Variants in ADAM30 observed in about 807,000 individuals in gnomAD.
ADAM30 encodes the protein ADAM metallopeptidase domain 30, also known as disintegrin and metalloproteinase domain-containing protein 30.
For synonymous variants in ADAM30, 382 were observed against 340.9 expected, an observed-to-expected ratio of 1.12 and a Z score of -1.33; for missense variants, 960 against 959.4, an observed-to-expected ratio of 1.00 and a Z score of -0.01.
In ADAM30 at chr1:119,893,987, T is replaced by A. The variant is rs587620322; in HGVS notation, c.2350A>T (p.Ser784Cys). The A allele has an allele frequency of 3.7e-6, 6 of 1,610,820 alleles. No individual in the cohort carries two copies. The highest frequency in any genetic ancestry group is 2.2e-5 in the East Asian group (1 of 44,868). Residue 784 changes from serine to cysteine, a missense_variant, in exon 1 of 1, where the codon AGT (serine) becomes TGT (cysteine). Physicochemically the swap from Ser to Cys is moderately radical, Grantham distance 112 (BLOSUM62 -1). Transcript: ENST00000369400. ...NIESKRPKAK[S>C]VKKQKK The stretch of plus-strand genomic sequence containing the variant: ...GGTTACTTTTTTTGTTTCTTGACAC[T>A]CTTTGCTTTGGGTCGTTTACTTTCA...
In ADAM30 at chr1:119,895,101, T is replaced by G. The variant is rs770115548; in HGVS notation, c.1236A>C (p.Glu412Asp). Residue 412 changes from glutamate (E) to aspartate (D), a missense_variant, in exon 1 of 1, where the codon GAA (glutamate) becomes GAC (aspartate). Transcript: ENST00000369400. ...CGNKIVEDNE[E>D]CDCGSTEECQ... ...ACTCCTCTGTGGAACCACAGTCACATTCCTCATTGTCCTCCACAATTTTGT... is the reference window on the plus strand; with the variant it reads ...ACTCCTCTGTGGAACCACAGTCACAGTCCTCATTGTCCTCCACAATTTTGT... The G allele has an allele frequency of 1.2e-6, 2 of 1,614,150 alleles. No homozygotes were observed. Among genetic ancestry groups the G allele is most frequent in the South Asian group, 2.2e-5 (2 of 91,082 alleles).
Position 119,896,375 on chromosome 1 carries a change from C to G in ADAM30, c.-39G>C. Reference sequence around the variant, plus strand: ...CTCAGCCTCAGTTTGCTATTCAGTCCCTGCAACTCTGGCCTCGCGAGTCAG... The same window carrying G: ...CTCAGCCTCAGTTTGCTATTCAGTCGCTGCAACTCTGGCCTCGCGAGTCAG... On this transcript the variant is annotated 5_prime_UTR_variant, in exon 1 of 1. Coordinates refer to ENST00000369400, the MANE Select transcript of ADAM30 (RefSeq NM_021794.4). 1 of 1,498,940 alleles carries G rather than the reference C, an allele frequency of 6.7e-7. No homozygotes were observed. 92.9% of individuals were successfully genotyped at this position (1,498,940 alleles called of 1,614,324 possible). A position where few individuals can be genotyped will look rare whatever the true frequency, so the allele number is the denominator to read the frequency against.
rs1648574804 is a variant in ADAM30 at position 119,895,984 on chromosome 1, T to C, written c.353A>G (p.Glu118Gly). ...KDCNYMGSVK[E>G]SLDSKATIST... ...TATAGTAGCTTTAGAGTCCAGAGACTCTTTCACGGAGCCCATGTAGTTGCA... is the reference window on the plus strand; with the variant it reads ...TATAGTAGCTTTAGAGTCCAGAGACCCTTTCACGGAGCCCATGTAGTTGCA... The change falls in exon 1 of 1, where the codon GAG becomes GGG. Residue 118 changes from glutamate (E) to glycine (G), a missense_variant. By Grantham distance (98) the Glu-to-Gly change is moderately conservative. Transcript: ENST00000369400. The C allele has an allele frequency of 6.2e-7, 1 of 1,614,186 alleles. No individual in the cohort carries two copies. Among genetic ancestry groups the C allele is most frequent in the Admixed American group, 1.7e-5 (1 of 60,026 alleles).
chr1:119,893,560 T>G lies in ADAM30; in HGVS notation c.*404A>C. On this transcript the variant is annotated 3_prime_UTR_variant, in exon 1 of 1. Coordinates refer to ENST00000369400, the MANE Select transcript of ADAM30 (RefSeq NM_021794.4). The stretch of plus-strand genomic sequence containing the variant: ...TGTTGTCGGCATTTATTGATCAGCA[T>G]GGGTGCAGGTGCGGATGTTCACATG... 1 of 205,316 alleles carries G rather than the reference T, an allele frequency of 4.9e-6. No individual in the cohort carries two copies. Among genetic ancestry groups the G allele is most frequent in the Non-Finnish European group, 9.8e-6 (1 of 101,872 alleles). 12.7% of individuals were successfully genotyped at this position (205,316 alleles called of 1,614,324 possible). A position where few individuals can be genotyped will look rare whatever the true frequency, so the allele number is the denominator to read the frequency against.
In ADAM30 at chr1:119,896,391, C is replaced by A; in HGVS notation, c.-55G>T. On this transcript the variant is annotated 5_prime_UTR_variant, in exon 1 of 1. Coordinates refer to ENST00000369400, the MANE Select transcript of ADAM30 (RefSeq NM_021794.4). ...TATTCAGTCCCTGCAACTCTGGCCT[C>A]GCGAGTCAGATTTCTGGGGGCCGCC... 1 of 1,469,588 alleles carries A rather than the reference C, an allele frequency of 6.8e-7. No individual in the cohort carries two copies. The allele number at this position is 1,469,588 out of a possible 1,614,324, so 91.0% of individuals were successfully genotyped here.
rs1246578346 is a variant in ADAM30 at position 119,894,162 on chromosome 1, T to A, written c.2175A>T (p.Leu725=). 1.2e-6 allele frequency: 2 copies of A among 1,613,452 alleles called. No homozygotes were observed. Among genetic ancestry groups the A allele is most frequent in the African/African-American group, 2.7e-5 (2 of 74,816 alleles). The part of the protein sequence containing the change: ...HLKPKQEKMP[L]SKAKTEQEES... ...CTTCCTGTTCAGTTTTTGCTTTGGA[T>A]AGTGGCATTTTTTCCTGTTTGGGTT... Residue 725 remains leucine, a synonymous_variant, in exon 1 of 1, where the codon CTA becomes CTT. Transcript: ENST00000369400.
chr1:119,895,676 T>C lies in ADAM30; in HGVS notation c.661A>G (p.Asn221Asp). 1 of 1,614,172 alleles carries C rather than the reference T, an allele frequency of 6.2e-7. No homozygotes were observed. The highest frequency in any genetic ancestry group is 8.5e-7 in the Non-Finnish European group (1 of 1,180,036). The change falls in exon 1 of 1, where the codon AAC (asparagine) becomes GAC (aspartate). Residue 221 changes from asparagine (N) to aspartate (D), a missense_variant. Physicochemically the swap from Asn to Asp is conservative, Grantham distance 23. Coordinates refer to ENST00000369400, the MANE Select transcript of ADAM30 (RefSeq NM_021794.4). ...FDQSRYRFVN[N>D]NLSQVIHDAI... is the part of the protein sequence containing the mutation. ...TCATGTATGACTTGAGAAAGATTGT[T>C]GTTCACAAACCTATACCTACTTTGA...
In ADAM30 at chr1:119,894,485, A is replaced by G. The variant is rs1422696007; in HGVS notation, c.1852T>C (p.Cys618Arg). The G allele has an allele frequency of 2.5e-6, 4 of 1,614,002 alleles. No individual in the cohort carries two copies. Among genetic ancestry groups the G allele is most frequent in the Non-Finnish European group, 3.4e-6 (4 of 1,180,034 alleles). ...CTATTGACGCAATTTTTTTTAAAACATACCCGGCCTTCTCCACAGGAGGTG... is the reference window on the plus strand; with the variant it reads ...CTATTGACGCAATTTTTTTTAAAACGTACCCGGCCTTCTCCACAGGAGGTG... ...DGTSCGEGRVCFKKNCVNSSV... is the reference protein window; with the variant it reads ...DGTSCGEGRVRFKKNCVNSSV... Residue 618 changes from cysteine to arginine, a missense_variant, in exon 1 of 1, where the codon TGT becomes CGT. Coordinates refer to ENST00000369400, the MANE Select transcript of ADAM30 (RefSeq NM_021794.4).
Position 119,896,238 on chromosome 1 carries a change from G to A in ADAM30, c.99C>T (p.His33=). 1 of 1,614,042 alleles carries A rather than the reference G, an allele frequency of 6.2e-7. No homozygotes were observed. Among genetic ancestry groups the A allele is most frequent in the Non-Finnish European group, 8.5e-7 (1 of 1,179,986 alleles). ...LKSLGEDVIF[H]PEGEFDSYEV... The stretch of plus-strand genomic sequence containing the variant: ...CATACGAGTCAAACTCCCCTTCAGG[G>A]TGAAAAATTACATCTTCGCCAAGAG... The change falls in exon 1 of 1, where the codon CAC becomes CAT. Residue 33 remains histidine (H), a synonymous_variant. Transcript: ENST00000369400.
Position 119,894,016 on chromosome 1 carries a change from T to C in ADAM30, c.2321A>G (p.Asn774Ser). 1 of 1,613,098 alleles carries C rather than the reference T, an allele frequency of 6.2e-7. No homozygotes were observed. Among genetic ancestry groups the C allele is most frequent in the African/African-American group, 1.3e-5 (1 of 74,968 alleles). The part of the protein sequence containing the change: ...AKTGQEESKA[N>S]IESKRPKAKS... ...TGCTTTGGGTCGTTTACTTTCAATG[T>C]TTGCTTTAGATTCTTCCTGTCCAGT... The change falls in exon 1 of 1, where the codon AAC becomes AGC. Residue 774 changes from asparagine (N) to serine (S), a missense_variant. Transcript: ENST00000369400.
Position 119,895,755 on chromosome 1 carries a change from G to T in ADAM30, c.582C>A (p.Asp194Glu). Residue 194 changes from aspartate (D) to glutamate (E), a missense_variant, in exon 1 of 1, where the codon GAC (aspartate) becomes GAA (glutamate). Coordinates refer to ENST00000369400, the MANE Select transcript of ADAM30 (RefSeq NM_021794.4). Reference sequence around the variant, plus strand: ...TTGGGTGTTTATAGGATCCAGGAAAGTCCCTTAGCCTCGCCTTATTCTCAT... The same window carrying T: ...TTGGGTGTTTATAGGATCCAGGAAATTCCCTTAGCCTCGCCTTATTCTCAT... Reference protein sequence around the residue: ...APYENKARLRDFPGSYKHPKY... With the variant: ...APYENKARLREFPGSYKHPKY... The T allele has an allele frequency of 3.1e-6, 5 of 1,614,096 alleles. 1 individual carries two copies. The highest frequency in any genetic ancestry group is 4.2e-6 in the Non-Finnish European group (5 of 1,180,008).
Position 119,896,028 on chromosome 1 carries a change from A to G in ADAM30, c.309T>C (p.His103=), listed in dbSNP as rs776792195. 3 of 1,614,160 alleles carry G rather than the reference A, an allele frequency of 1.9e-6. No individual in the cohort carries two copies. The highest frequency in any genetic ancestry group is 2.5e-6 in the Non-Finnish European group (3 of 1,180,040). ...FTEHGELLED[H]PYIPKDCNYM... Reference sequence around the variant, plus strand: ...AGTTGCAGTCCTTTGGTATGTAAGGATGATCCTCCAGCAGTTCCCCATGTT... The same window carrying G: ...AGTTGCAGTCCTTTGGTATGTAAGGGTGATCCTCCAGCAGTTCCCCATGTT... The change falls in exon 1 of 1, where the codon CAT becomes CAC. Residue 103 remains histidine, a synonymous_variant. Coordinates refer to ENST00000369400, the MANE Select transcript of ADAM30 (RefSeq NM_021794.4).
chr1:119,896,491 G>C lies in ADAM30; in HGVS notation c.-155C>G, dbSNP rs1041786414. On this transcript the variant is annotated 5_prime_UTR_variant, in exon 1 of 1. Transcript: ENST00000369400. ...GGGAGCCCGTAGCCTCCCAGGGCTC[G>C]GTCTAGCTGGCGTCCGCAATGCGCG... The C allele has an allele frequency of 3.2e-6, 4 of 1,247,766 alleles. No individual in the cohort carries two copies. The East Asian group carries it at 1.1e-4, about 33-fold the overall frequency. 77.3% of individuals were successfully genotyped at this position (1,247,766 alleles called of 1,614,324 possible).
At position 119,895,546 on chromosome 1, in the gene ADAM30, A is replaced by T; in HGVS notation, c.791T>A (p.Val264Asp). The T allele has an allele frequency of 6.2e-7, 1 of 1,613,876 alleles. No individual in the cohort carries two copies. Among genetic ancestry groups the T allele is most frequent in the Non-Finnish European group, 8.5e-7 (1 of 1,180,040 alleles). Reference sequence around the variant, plus strand: ...AACTTCAGCTAACTCTGGATATCCAACGCGTATTTTGTTAAAATCTGTCCA... The same window carrying T: ...AACTTCAGCTAACTCTGGATATCCATCGCGTATTTTGTTAAAATCTGTCCA... ...EVWTDFNKIR[V>D]GYPELAEVLG... Residue 264 changes from valine to aspartate, a missense_variant, in exon 1 of 1, where the codon GTT (valine) becomes GAT (aspartate). By Grantham distance (152) the Val-to-Asp change is radical. Coordinates refer to ENST00000369400, the MANE Select transcript of ADAM30 (RefSeq NM_021794.4).
rs587613407 is a variant in ADAM30 at position 119,895,452 on chromosome 1, T to C, written c.885A>G (p.Leu295=). Residue 295 remains leucine, a synonymous_variant, in exon 1 of 1, where the codon TTA becomes TTG. Transcript: ENST00000369400. ...CATCATTATATTTTCTTTGAAGATA[T>C]AAATGTGCCCAATCTGATGACAGGC... The part of the protein sequence containing the change: ...NARLSSDWAH[L]YLQRKYNDAL... 6 of 1,613,962 alleles carry C rather than the reference T, an allele frequency of 3.7e-6. No individual in the cohort carries two copies. The Admixed American group carries it at 6.7e-5, about 18-fold the overall frequency.
chr1:119,894,104 T>C lies in ADAM30; in HGVS notation c.2233A>G (p.Lys745Glu), dbSNP rs61757469. Residue 745 changes from lysine (K) to glutamate (E), a missense_variant, in exon 1 of 1, where the codon AAA becomes GAA. Coordinates refer to ENST00000369400, the MANE Select transcript of ADAM30 (RefSeq NM_021794.4). Reference sequence around the variant, plus strand: ...GATTCTTCCTGTCCAGTTTTTGTTTTAGATTCTTCCTGTACAGTTTTTGTT... The same window carrying C: ...GATTCTTCCTGTCCAGTTTTTGTTTCAGATTCTTCCTGTACAGTTTTTGTT... ...SKTKTVQEES[K>E]TKTGQEESEA... is the part of the protein sequence containing the mutation. 4.3e-6 allele frequency: 7 copies of C among 1,613,338 alleles called. No homozygotes were observed. The highest frequency in any genetic ancestry group is 5.9e-6 in the Non-Finnish European group (7 of 1,179,548).
Position 119,895,821 on chromosome 1 carries a change from A to G in ADAM30, c.516T>C (p.Cys172=). Residue 172 remains cysteine, a synonymous_variant, in exon 1 of 1, where the codon TGT becomes TGC. Coordinates refer to ENST00000369400, the MANE Select transcript of ADAM30 (RefSeq NM_021794.4). The part of the protein sequence containing the change: ...LKKEQFGNQV[C]GLSDDEIEWQ... ...ATTCTATTTCATCATCACTTAAGCC[A>G]CAAACCTGATTCCCAAACTGCTCTT... The G allele has an allele frequency of 1.2e-6, 2 of 1,614,174 alleles. No homozygotes were observed. Among genetic ancestry groups the G allele is most frequent in the South Asian group, 1.1e-5 (1 of 91,074 alleles).
chr1:119,894,411 AC>A lies in ADAM30; in HGVS notation c.1925del (p.Gly642ValfsTer51), dbSNP rs1648513500. 1 of 1,614,112 alleles carries A rather than the reference AC, an allele frequency of 6.2e-7. No individual in the cohort carries two copies. Among genetic ancestry groups the A allele is most frequent in the Non-Finnish European group, 8.5e-7 (1 of 1,180,020 alleles). ...GGCAGTTTTTTCTGTTGTTGCAAACACCCCGGGTATTGCATTTCTCAGGCAA... is the reference window on the plus strand; with the variant it reads ...GGCAGTTTTTTCTGTTGTTGCAAACACCCGGGTATTGCATTTCTCAGGCAA... The part of the protein sequence containing the change: ...DCLPEKCNTR[G>X]VCNNRKNCHC... On this transcript the variant is annotated frameshift_variant, in exon 1 of 1. Coordinates refer to ENST00000369400, the MANE Select transcript of ADAM30 (RefSeq NM_021794.4). LOFTEE classifies it low-confidence loss of function (END_TRUNC).
Position 119,896,110 on chromosome 1 carries a change from T to C in ADAM30, c.227A>G (p.His76Arg). 6.2e-7 allele frequency: 1 copy of C among 1,614,144 alleles called. No individual in the cohort carries two copies. Among genetic ancestry groups the C allele is most frequent in the East Asian group, 2.2e-5 (1 of 44,874 alleles). ...LQLKGKKHVLHLWPKRLLLPR... is the reference protein window; with the variant it reads ...LQLKGKKHVLRLWPKRLLLPR... ...CAACAGAAGTCTCTTGGGCCACAAA[T>C]GGAGGACGTGCTTCTTGCCTTTTAA... The change falls in exon 1 of 1, where the codon CAT (histidine) becomes CGT (arginine). Residue 76 changes from histidine to arginine, a missense_variant. Physicochemically the swap from His to Arg is conservative, Grantham distance 29. Transcript: ENST00000369400.
Sources: gnomAD v4.1 joint callset for allele counts on GRCh38, gnomAD v4.1.1 for gene constraint, MANE v1.5 for transcripts, NCBI Gene and HGNC (gene_info 2026-07-23, HGNC 2026-07-21) for gene names.